Variants in BNC2 observed in about 807,000 individuals in gnomAD.
BNC2 encodes the protein basonuclin zinc finger protein 2, also known as zinc finger protein basonuclin-2.
A neutral mutation model predicts 76.3 loss-of-function variants in BNC2; 20 were observed. The ratio of observed to expected loss-of-function variants is 0.26; its 90% CI spans 0.18 to 0.38. BNC2 has a LOEUF of 0.38. BNC2 is among the 10% of genes least tolerant of loss of function. BNC2 has a pLI of 1.00. For synonymous variants in BNC2, 582 were observed against 514.8 expected (o/e 1.13, Z -1.77); for missense variants, 1,382 against 1,399.8 (o/e 0.99, Z 0.20).
At position 16,550,322 on chromosome 9, in the gene BNC2, C is replaced by A. The variant is rs557724610; in HGVS notation, c.669+2208G>T. Reference sequence around the variant, plus strand: ...ATTTTATGTGTGGCCCAAAACAATTCTTCTTCCAATGTGGCCCAGGAAGCC... The same window carrying A: ...ATTTTATGTGTGGCCCAAAACAATTATTCTTCCAATGTGGCCCAGGAAGCC... On this transcript the variant is annotated intron_variant, in intron 5 of 6. Transcript: ENST00000380672. Among the ~76,000 whole-genome samples the A allele has an allele frequency of 4.6e-5, 7 of 152,264 alleles. No individual in the cohort carries two copies. In the South Asian group the frequency reaches 1.5e-3, roughly 32 times the overall value.
intron 1 of BNC2, among the ~76,000 whole-genome samples, chr9:16,822,357 C>G (rs1818357663): frequency 6.6e-6 from 1 of 152,024 alleles, no homozygotes; most frequent in African/African-American, 2.4e-5. Context: ...TAGAAGAAAT[C>G]AAGACACAGA....
chr9:16,787,873 C>T (rs987765810), intron 1 of BNC2, among the ~76,000 whole-genome samples: 14 of 152,238 alleles, frequency 9.2e-5, no homozygotes, highest in African/African-American at 3.1e-4. Flanking sequence ...TAATCAAGCA[C>T]AGAATTATTT....
intron 3 of BNC2, among the ~76,000 whole-genome samples, chr9:16,649,203 A>T (rs1821725093): frequency 6.6e-6 from 1 of 152,228 alleles, no homozygotes; most frequent in African/African-American, 2.4e-5. Context: ...CACGGGCCCC[A>T]GCACACCCAC....
At chr9:16,510,373 G>C (rs556908829) in intron 5 of BNC2, among the ~76,000 whole-genome samples, 6 of 152,306 alleles carry the variant, frequency 3.9e-5, no homozygotes, top group Non-Finnish European at 8.8e-5. Flanking sequence ...GTCATGAAAA[G>C]AAAGCAAGGA....
chr9:16,510,390 C>A (rs1435550836), intron 5 of BNC2, among the ~76,000 whole-genome samples: 1 of 152,216 alleles, frequency 6.6e-6, no homozygotes, highest in Non-Finnish European at 1.5e-5. Flanking sequence ...AGGAGATCCA[C>A]TTAACGCCCC....
intron 1 of BNC2, among the ~76,000 whole-genome samples, chr9:16,815,081 T>TACA (rs901554730): frequency 5.3e-5 from 8 of 152,138 alleles, no homozygotes; most frequent in Non-Finnish European, 1.2e-4. Flanking sequence ...CAGCAAGACT[T>TACA]ACACTCGTTT....
chr9:16,435,269 C>T (rs1295838864), intron 6 of BNC2, among the ~76,000 whole-genome samples: 1 of 152,090 alleles, frequency 6.6e-6, no homozygotes, highest in African/African-American at 2.4e-5. Context: ...CTTATTCACA[C>T]CTAGATGCAT....
At chr9:16,572,502 G>A (rs1368824396) in intron 4 of BNC2, among the ~76,000 whole-genome samples, 1 of 152,188 alleles carries the variant, frequency 6.6e-6, no homozygotes, top group African/African-American at 2.4e-5. Flanking sequence ...CACCACATGA[G>A]ATGCTGCAGT....
intron 3 of BNC2, among the ~76,000 whole-genome samples, chr9:16,688,398 T>C (rs1030092890): frequency 2.6e-5 from 4 of 152,198 alleles, no homozygotes; most frequent in Admixed American, 2.6e-4. Flanking sequence ...CAGATATCAA[T>C]TGTCTAACCC....
intron 5 of BNC2, among the ~76,000 whole-genome samples, chr9:16,515,160 T>A (rs986261232): frequency 2.6e-5 from 4 of 152,194 alleles, no homozygotes; most frequent in Non-Finnish European, 5.9e-5. Flanking sequence ...TTCAACATCA[T>A]TAGCTGCATG....
intron 1 of BNC2, among the ~76,000 whole-genome samples, chr9:16,797,080 G>T (rs1054437327): frequency 6.6e-6 from 1 of 152,088 alleles, no homozygotes; most frequent in African/African-American, 2.4e-5. Context: ...TGATGATGAT[G>T]ACAATAATGG....
Position 16,869,971 on chromosome 9 carries a change from T to C in BNC2, c.3+675A>G, listed in dbSNP as rs547787279. 2.6e-5 allele frequency among the ~76,000 whole-genome samples: 4 copies of C among 152,266 alleles called. No homozygotes were observed. The South Asian group carries it at 8.3e-4, about 32-fold the overall frequency. ...TGCAAGTAAAACAAATCGGCTCCTA[T>C]AGAATTGCACTTCGAAAAGAGCCGT... On this transcript the variant is annotated intron_variant, in intron 1 of 6. Transcript: ENST00000380672.
intron 3 of BNC2, among the ~76,000 whole-genome samples, chr9:16,646,116 G>A (rs1210480109): frequency 6.6e-6 from 1 of 152,182 alleles, no homozygotes; most frequent in Non-Finnish European, 1.5e-5. Flanking sequence ...GATAGCAAAA[G>A]TTTTAAGATG....
intron 5 of BNC2, among the ~76,000 whole-genome samples, chr9:16,486,225 C>A (rs1349337654): frequency 1.3e-5 from 2 of 152,174 alleles, no homozygotes; most frequent in Non-Finnish European, 2.9e-5. Context: ...TGGCCTCTGT[C>A]ACTCCTGTTT....
At chr9:16,857,777 C>T (rs972058989) in intron 1 of BNC2, among the ~76,000 whole-genome samples, 26 of 152,232 alleles carry the variant, frequency 1.7e-4, no homozygotes, top group African/African-American at 6.0e-4. Flanking sequence ...AATGGTCCAT[C>T]AGAATACTAG....
chr9:16,850,787 G>A (rs1226488352), intron 1 of BNC2, among the ~76,000 whole-genome samples: 1 of 148,158 alleles, frequency 6.7e-6, no homozygotes, highest in East Asian at 2.0e-4. Flanking sequence ...GACAGAGGGA[G>A]ACTCTGCTTC....
At chr9:16,703,899 A>G (rs1823586529) in intron 3 of BNC2, among the ~76,000 whole-genome samples, 1 of 152,208 alleles carries the variant, frequency 6.6e-6, no homozygotes, top group Admixed American at 6.5e-5. Flanking sequence ...AAATGTGCAC[A>G]CACTCACACA....
chr9:16,610,590 A>T (rs1820517210), intron 3 of BNC2, among the ~76,000 whole-genome samples: 1 of 152,186 alleles, frequency 6.6e-6, no homozygotes, highest in Admixed American at 6.6e-5. Flanking sequence ...AAGAAAATAC[A>T]AAGTAGATCT....
intron 3 of BNC2, among the ~76,000 whole-genome samples, chr9:16,702,479 G>A (rs2037761764): frequency 6.8e-6 from 1 of 147,724 alleles, no homozygotes; most frequent in African/African-American, 2.5e-5. Context: ...TCAACCTAAT[G>A]AAAATTTTGC....
Sources: gnomAD v4.1 joint callset for allele counts (sites outside exome capture counted in the v4.1 genomes callset) on GRCh38, gnomAD v4.1.1 for gene constraint, MANE v1.5 for transcripts, NCBI Gene and HGNC (gene_info 2026-07-23, HGNC 2026-07-21) for gene names.